The following RAD21 variants were observed in gnomAD, a reference collection of about 807,000 sequenced individuals.
RAD21 encodes the protein RAD21 cohesin complex component, also known as double-strand-break repair protein rad21 homolog.
A neutral mutation model predicts 71.5 loss-of-function variants in RAD21; 18 were observed. That is an observed-to-expected ratio of 0.25 (90% CI 0.17 to 0.37). The LOEUF is 0.37. Ranked by LOEUF, RAD21 falls within the 10% of genes least tolerant of loss-of-function variation. RAD21 has a pLI of 1.00. For missense variants in RAD21, 493 were observed against 769.1 expected, an observed-to-expected ratio of 0.64 and a Z score of 4.25; for synonymous variants, 248 against 254.0, an observed-to-expected ratio of 0.98 and a Z score of 0.22.
Position 116,847,140 on chromosome 8 carries a change from A to C in RAD21, c.*360T>G, listed in dbSNP as rs946178220. Reference sequence around the variant, plus strand: ...TAAACTGTCAGGCATTTTCTCAGACAGGTTTTCCTTTTCAATGCAGTAATG... The same window carrying C: ...TAAACTGTCAGGCATTTTCTCAGACCGGTTTTCCTTTTCAATGCAGTAATG... On this transcript the variant is annotated 3_prime_UTR_variant, in exon 14 of 14. Coordinates refer to ENST00000297338, the MANE Select transcript of RAD21 (RefSeq NM_006265.3). 1.2e-5 allele frequency: 3 copies of C among 247,042 alleles called. No individual in the cohort carries two copies. Among genetic ancestry groups the C allele is most frequent in the African/African-American group, 6.6e-5 (3 of 45,798 alleles). 15.3% of individuals were successfully genotyped at this position (247,042 alleles called of 1,614,324 possible). A position where few individuals can be genotyped will look rare whatever the true frequency, so the allele number is the denominator to read the frequency against.
intron 5 of RAD21, among the ~76,000 whole-genome samples, chr8:116,857,751 T>G (rs1441894321): frequency 6.6e-6 from 1 of 152,162 alleles, no homozygotes; most frequent in Non-Finnish European, 1.5e-5. Flanking sequence ...TCTAAATATG[T>G]ATGTATGTTA....
chr8:116,847,730 A>G, intron 13 of RAD21, 39 bp from the exon 14 acceptor site: 8 of 1,535,744 alleles, frequency 5.2e-6, no homozygotes, highest in African/African-American at 2.8e-5. Flanking sequence ...AATCTGTATA[A>G]TAAAGTAGTA....
intron 13 of RAD21, among the ~76,000 whole-genome samples, chr8:116,848,325 A>G (rs1441339167): frequency 1.3e-5 from 2 of 152,216 alleles, no homozygotes; most frequent in Non-Finnish European, 2.9e-5. Flanking sequence ...AGTCCAAGAA[A>G]CCAGCAAAAT....
At chr8:116,864,125 G>C (rs539378758) in intron 2 of RAD21, among the ~76,000 whole-genome samples, 1 of 152,080 alleles carries the variant, frequency 6.6e-6, no homozygotes, top group South Asian at 2.1e-4. Flanking sequence ...ATGGGATACA[G>C]TATGTGGAAA....
chr8:116,871,695 C>T (rs1189639832), intron 1 of RAD21, among the ~76,000 whole-genome samples: 4 of 152,116 alleles, frequency 2.6e-5, no homozygotes, highest in Non-Finnish European at 5.9e-5. Flanking sequence ...AAAGACAAAA[C>T]CAAAAAACCA....
intron 9 of RAD21, among the ~76,000 whole-genome samples, chr8:116,853,470 A>G (rs1812398511): frequency 6.6e-6 from 1 of 152,174 alleles, no homozygotes; most frequent in Admixed American, 6.5e-5. Flanking sequence ...TTTAAACTGT[A>G]AAGAACAATG....
In RAD21 at chr8:116,856,244, T is replaced by C. The variant is rs141936111; in HGVS notation, c.859A>G (p.Met287Val). 3.8e-5 allele frequency: 60 copies of C among 1,594,106 alleles called. No individual in the cohort carries two copies. Among genetic ancestry groups the C allele is most frequent in the South Asian group, 7.9e-5 (7 of 88,882 alleles). Reference protein sequence around the residue: ...SPDSVDPVEPMPTMTDQTTLV... With the variant: ...SPDSVDPVEPVPTMTDQTTLV... ...GTTGTTTGATCAGTCATGGTTGGCATTGGTTCAACGGGATCCACTGAATCA... is the reference window on the plus strand; with the variant it reads ...GTTGTTTGATCAGTCATGGTTGGCACTGGTTCAACGGGATCCACTGAATCA... The change falls in exon 8 of 14, where the codon ATG (methionine) becomes GTG (valine). Residue 287 changes from methionine (M) to valine (V), a missense_variant. Met to Val is a conservative substitution (Grantham distance 21). Around this residue, in one of 5 missense-constraint regions of RAD21, gnomAD observed 165 missense variants for 229.6 expected, o/e 0.72. Transcript: ENST00000297338.
rs759693170 is a variant in RAD21, at chr8:116,857,505, A to G, written c.482-32T>C. 1.9e-6 allele frequency: 3 copies of G among 1,556,494 alleles called. No individual in the cohort carries two copies. In the East Asian group the frequency reaches 6.8e-5, roughly 35 times the overall value. ...AAATTTTAATTTGTCATTAGTTTAG[A>G]AAGATTAGAAATAGCACTGTGATAA... On this transcript the variant is annotated intron_variant, in intron 5 of 13. Coordinates refer to ENST00000297338, the MANE Select transcript of RAD21 (RefSeq NM_006265.3).
At chr8:116,856,385 GA>G in intron 7 of RAD21, 97 bp from the exon 8 acceptor site, 1 of 1,335,926 alleles carries the variant, frequency 7.5e-7, no homozygotes, top group Non-Finnish European at 9.8e-7. Context: ...TCATGAAATG[GA>G]AAGAAATCCT....
Position 116,864,712 on chromosome 8 carries a change from C to A in RAD21, c.145-1453G>T, listed in dbSNP as rs180712312. The stretch of plus-strand genomic sequence containing the variant: ...AAAAAAACCTCTGCTATTATCTTAT[C>A]TAGAACTAGCAACTTTCAAAAAGTG... On this transcript the variant is annotated intron_variant, in intron 2 of 13. Coordinates refer to ENST00000297338, the MANE Select transcript of RAD21 (RefSeq NM_006265.3). 3.3e-5 allele frequency among the ~76,000 whole-genome samples: 5 copies of A among 152,238 alleles called. No homozygotes were observed. In the East Asian group the frequency reaches 9.6e-4, roughly 29 times the overall value.
chr8:116,852,722 A>AAG lies in RAD21; in HGVS notation c.1162-15_1162-14insCT. On this transcript the variant is annotated splice_polypyrimidine_tract_variant and intron_variant, in intron 9 of 13. Transcript: ENST00000297338. ...GCGTGTAAAGAGCTATTAAAAAAAA[A>AAG]AAAAAGAAAAATTTCAATTATAAAA... The AAG allele has an allele frequency of 6.8e-7, 1 of 1,476,144 alleles. No homozygotes were observed. The highest frequency in any genetic ancestry group is 9.0e-7 in the Non-Finnish European group (1 of 1,114,298). 91.4% of individuals were successfully genotyped at this position (1,476,144 alleles called of 1,614,324 possible).
At chr8:116,861,977 C>A in intron 3 of RAD21, 37 bp from the exon 4 acceptor site, 2 of 1,480,934 alleles carry the variant, frequency 1.4e-6, no homozygotes, top group South Asian at 1.1e-5. Context: ...ATCTAGCTAC[C>A]CATAAATTAT....
intron 1 of RAD21, among the ~76,000 whole-genome samples, chr8:116,872,712 C>G (rs1044492760): frequency 5.3e-5 from 8 of 152,202 alleles, no homozygotes; most frequent in South Asian, 2.1e-4. Context: ...CTATGAAAAC[C>G]TGAAAGGTTG....
At chr8:116,873,664 C>G (rs1378517078) in intron 1 of RAD21, among the ~76,000 whole-genome samples, 3 of 151,140 alleles carry the variant, frequency 2.0e-5, no homozygotes, top group Non-Finnish European at 4.4e-5. Flanking sequence ...AAGACACTAA[C>G]AAATCAGAGT....
rs1322816166 is a variant in RAD21 at position 116,847,505 on chromosome 8, T to C, written c.1891A>G (p.Ile631Val). 2 of 1,606,580 alleles carry C rather than the reference T, an allele frequency of 1.2e-6. No individual in the cohort carries two copies. Among genetic ancestry groups the C allele is most frequent in the Admixed American group, 1.7e-5 (1 of 58,576 alleles). Residue 631 changes from isoleucine to valine, a missense_variant, in exon 14 of 14, where the codon ATA becomes GTA. Physicochemically the swap from Ile to Val is conservative, Grantham distance 29. Coordinates refer to ENST00000297338, the MANE Select transcript of RAD21 (RefSeq NM_006265.3). ...IATPGPRFHI[I>V] is the part of the protein sequence containing the mutation. ...GCTATAATGCTTCTAGCTCCTTATA[T>C]AATATGGAACCTTGGTCCAGGTGTT...
intron 1 of RAD21, 92 bp from the exon 2 acceptor site, chr8:116,866,853 T>A: frequency 1.2e-6 from 1 of 826,918 alleles, no homozygotes; most frequent in Non-Finnish European, 1.7e-6. Flanking sequence ...CTTCTCTCTT[T>A]AATATGAAAA....
intron 4 of RAD21, among the ~76,000 whole-genome samples, chr8:116,861,067 G>A (rs1202554226): frequency 6.6e-6 from 1 of 151,926 alleles, no homozygotes; most frequent in Non-Finnish European, 1.5e-5. Context: ...CAAATAAAAT[G>A]TCAAAAAGAG....
chr8:116,852,197 G>C (rs1411483259), intron 10 of RAD21, 101 bp from the exon 11 acceptor site: 23 of 1,107,808 alleles, frequency 2.1e-5, no homozygotes, highest in Middle Eastern at 4.4e-4. Flanking sequence ...CATACATAAT[G>C]CTTTCTTTAA....
chr8:116,869,341 T>A (rs1338324023), intron 1 of RAD21, among the ~76,000 whole-genome samples: 1 of 152,154 alleles, frequency 6.6e-6, no homozygotes, highest in African/African-American at 2.4e-5. Context: ...ACCCAGCACT[T>A]TGGCAGGCCA....
Sources: gnomAD v4.1 joint callset for allele counts (sites outside exome capture counted in the v4.1 genomes callset) on GRCh38, gnomAD v4.1.1 for gene constraint, gnomAD v4.1.1 regional missense constraint, MANE v1.5 for transcripts, NCBI Gene and HGNC (gene_info 2026-07-23, HGNC 2026-07-21) for gene names.